Variants in RPL14 observed in about 807,000 individuals in gnomAD.
The protein encoded by RPL14 is ribosomal protein L14, also known as large ribosomal subunit protein eL14.
Under a neutral mutation model 25.3 loss-of-function variants are expected in RPL14, and 4 were observed. The ratio of observed to expected loss-of-function variants is 0.16; its 90% CI spans 0.08 to 0.36. The LOEUF (loss-of-function observed/expected upper bound fraction) is 0.36. Among genes scored for constraint, RPL14 ranks in the 10% least tolerant of loss-of-function variants. The probability of loss-of-function intolerance (pLI) is 1.00; values close to 1 mark genes in which losing one functional copy is unlikely to be tolerated. For missense variants in RPL14, 212 were observed against 261.9 expected (o/e 0.81, Z 1.31); for synonymous variants, 75 against 89.8 (o/e 0.84, Z 0.93).
In RPL14 at chr3:40,458,162, T is replaced by A. The variant is rs1696874336; in HGVS notation, c.105+171T>A. 4 of 622,482 alleles carry A rather than the reference T, an allele frequency of 6.4e-6. No homozygotes were observed. In the East Asian group the frequency reaches 1.1e-4, roughly 17 times the overall value. The allele number at this position is 622,482 out of a possible 1,614,324, so 38.6% of individuals were successfully genotyped here. A position where few individuals can be genotyped will look rare whatever the true frequency, so the allele number is the denominator to read the frequency against. ...GTTTTAAGCACAGCCTGAAGTTAGC[T>A]ATTAGTATTGAATTTCAGTATTAGC... On this transcript the variant is annotated intron_variant, in intron 2 of 5. Coordinates refer to ENST00000396203, the MANE Select transcript of RPL14 (RefSeq NM_001034996.3).
intron 3 of RPL14, among the ~76,000 whole-genome samples, chr3:40,460,483 A>G (rs535979953): frequency 6.6e-6 from 1 of 151,994 alleles, no homozygotes; most frequent in Non-Finnish European, 1.5e-5. Flanking sequence ...GCGCCAGTGC[A>G]TTCTCCATCC....
rs1336196689 is a variant in RPL14 at position 40,461,395 on chromosome 3, G to T, written c.201-12G>T. 6.2e-7 allele frequency: 1 copy of T among 1,612,088 alleles called. No individual in the cohort carries two copies. The highest frequency in any genetic ancestry group is 8.5e-7 in the Non-Finnish European group (1 of 1,178,266). On this transcript the variant is annotated splice_polypyrimidine_tract_variant and intron_variant, in intron 3 of 5. Transcript: ENST00000396203. ...AGCTGATTTCTTAATCTGTGGTCTT[G>T]GCTCGTTCTAGTGCCCACCAGAAGT... is the stretch of plus-strand genomic sequence containing the variant.
chr3:40,458,049 A>G (rs1696871543), intron 2 of RPL14, 58 bp downstream of exon 2: 5 of 1,404,868 alleles, frequency 3.6e-6, no homozygotes, highest in Non-Finnish European at 5.1e-6. Flanking sequence ...GCAGATGGCA[A>G]TAATGAATTG....
In RPL14 at chr3:40,464,397, G is replaced by T. The variant is rs1351387636; in HGVS notation, c.*2165G>T. ...AATAAGGAAAATATGGATGATTTCGGATTACCTGTTCTACTCTGGGAGGTA... is the reference window on the plus strand; with the variant it reads ...AATAAGGAAAATATGGATGATTTCGTATTACCTGTTCTACTCTGGGAGGTA... On this transcript the variant is annotated 3_prime_UTR_variant, in exon 6 of 6. Coordinates refer to ENST00000396203, the MANE Select transcript of RPL14 (RefSeq NM_001034996.3). 1 of 453,066 alleles carries T rather than the reference G, an allele frequency of 2.2e-6. No individual in the cohort carries two copies. Among genetic ancestry groups the T allele is most frequent in the East Asian group, 7.0e-5 (1 of 14,372 alleles). The allele number at this position is 453,066 out of a possible 1,614,324, so 28.1% of individuals were successfully genotyped here.
At chr3:40,461,169 C>T (rs144429894) in intron 3 of RPL14, among the ~76,000 whole-genome samples, 2 of 151,484 alleles carry the variant, frequency 1.3e-5, no homozygotes, top group Non-Finnish European at 2.9e-5. Flanking sequence ...GCATTCCAGC[C>T]TGGGTGGCAA....
At position 40,457,995 on chromosome 3, in the gene RPL14, A is replaced by C; in HGVS notation, c.105+4A>C. On this transcript the variant is annotated splice_donor_region_variant and intron_variant, in intron 2 of 5. Transcript: ENST00000396203. ...AGATGTTATTGATCAGAACAGGGTAAGTGTCACAACTTTTTACTAAACATG... is the reference window on the plus strand; with the variant it reads ...AGATGTTATTGATCAGAACAGGGTACGTGTCACAACTTTTTACTAAACATG... 1.2e-6 allele frequency: 2 copies of C among 1,613,502 alleles called. No homozygotes were observed. The highest frequency in any genetic ancestry group is 1.7e-6 in the Non-Finnish European group (2 of 1,179,482).
Position 40,458,792 on chromosome 3 carries a change from A to G in RPL14, c.200+56A>G. 5 of 1,454,156 alleles carry G rather than the reference A, an allele frequency of 3.4e-6. No homozygotes were observed. The South Asian group carries it at 4.6e-5, about 13-fold the overall frequency. The allele number at this position is 1,454,156 out of a possible 1,614,324, so 90.1% of individuals were successfully genotyped here. A position where few individuals can be genotyped will look rare whatever the true frequency, so the allele number is the denominator to read the frequency against. ...ATCCCCAGATTTGTTTATGCTAGTA[A>G]AAGTTTGTTTTGGAGTAAACAATAC... is the stretch of plus-strand genomic sequence containing the variant. On this transcript the variant is annotated intron_variant, in intron 3 of 5. Coordinates refer to ENST00000396203, the MANE Select transcript of RPL14 (RefSeq NM_001034996.3).
In RPL14 at chr3:40,462,089, G is replaced by A. The variant is rs148088669; in HGVS notation, c.505G>A (p.Ala169Thr). 1.9e-5 allele frequency: 31 copies of A among 1,605,418 alleles called. No homozygotes were observed. Among genetic ancestry groups the A allele is most frequent in the African/African-American group, 1.6e-4 (12 of 74,284 alleles). Residue 169 changes from alanine to threonine, a missense_variant, in exon 6 of 6, where the codon GCG becomes ACG. Physicochemically the swap from Ala to Thr is moderately conservative, Grantham distance 58. This residue lies in a region of RPL14 where 66 missense variants were observed against 62.6 expected (regional missense o/e 1.05). Coordinates refer to ENST00000396203, the MANE Select transcript of RPL14 (RefSeq NM_001034996.3). ...AKVPAKKITAASKKAPAQKVP... is the reference protein window; with the variant it reads ...AKVPAKKITATSKKAPAQKVP... ...AGTTCCAGCAAAAAAGATCACCGCC[G>A]CGAGTAAAAAGGCTCCAGCCCAGAA...
In RPL14 at chr3:40,457,519, C is replaced by T. The variant is rs370120857; in HGVS notation, c.3+45C>T. On this transcript the variant is annotated intron_variant, in intron 1 of 5. Transcript: ENST00000396203. ...CTGTGCAGCGGAATCGGGCCCTTCCCGGACTCGCGCCCTTCCCGGACTCGC... is the reference window on the plus strand; with the variant it reads ...CTGTGCAGCGGAATCGGGCCCTTCCTGGACTCGCGCCCTTCCCGGACTCGC... The T allele has an allele frequency of 8.9e-5, 128 of 1,434,752 alleles. No homozygotes were observed. In the African/African-American group the frequency reaches 1.5e-3, roughly 17 times the overall value. The allele number at this position is 1,434,752 out of a possible 1,614,324, so 88.9% of individuals were successfully genotyped here.
chr3:40,460,458 CAGTG>C (rs1304105044), intron 3 of RPL14, among the ~76,000 whole-genome samples: 1 of 151,522 alleles, frequency 6.6e-6, no homozygotes, highest in Non-Finnish European at 1.5e-5. Context: ...GCAGAGGTCA[CAGTG>C]AGCCAACGTT....
At chr3:40,458,880 TTTTA>T in intron 3 of RPL14, 144 bp downstream of exon 3, 2 of 678,234 alleles carry the variant, frequency 2.9e-6, no homozygotes, top group Non-Finnish European at 5.2e-6. Context: ...GATTATTTAC[TTTTA>T]AAATGTCTTG....
intron 3 of RPL14, among the ~76,000 whole-genome samples, chr3:40,460,741 C>T (rs1282216328): frequency 5.3e-5 from 8 of 152,024 alleles, no homozygotes; most frequent in South Asian, 4.2e-4. Context: ...GCAACCACGC[C>T]CAGCTAATTT....
intron 4 of RPL14, 23 bp from the exon 5 acceptor site, chr3:40,461,580 TTTTTA>T: frequency 6.2e-7 from 1 of 1,601,662 alleles, no homozygotes; most frequent in Non-Finnish European, 8.5e-7. Flanking sequence ...AGAGGGATAA[TTTTTA>T]TTTGTTGTTT....
chr3:40,458,467 A>G (rs1696878707), intron 2 of RPL14, 175 bp from the exon 3 acceptor site: 2 of 601,246 alleles, frequency 3.3e-6, no homozygotes, highest in South Asian at 4.0e-5. Flanking sequence ...TGTGTTGAGC[A>G]AAAGACATAC....
At chr3:40,461,257 C>T (rs1696932429) in intron 3 of RPL14, 150 bp from the exon 4 acceptor site, 1 of 631,952 alleles carries the variant, frequency 1.6e-6, no homozygotes, top group Admixed American at 2.9e-5. Context: ...ATAACCTATT[C>T]TGGCTTACTG....
At position 40,462,337 on chromosome 3, in the gene RPL14, ATAG is replaced by A. The variant is rs1014044248; in HGVS notation, c.*109_*111del. On this transcript the variant is annotated 3_prime_UTR_variant, in exon 6 of 6. Coordinates refer to ENST00000396203, the MANE Select transcript of RPL14 (RefSeq NM_001034996.3). ...GAGGCTGGAGTTAGGAGGCAGATTG[ATAG>A]TAGGATTATAATAAACATTAAATAA... The A allele has an allele frequency of 2.1e-6, 2 of 972,946 alleles. No homozygotes were observed. Among genetic ancestry groups the A allele is most frequent in the Non-Finnish European group, 3.0e-6 (2 of 673,944 alleles). The allele number at this position is 972,946 out of a possible 1,614,324, so 60.3% of individuals were successfully genotyped here.
In RPL14 at chr3:40,460,925, A is replaced by G. The variant is rs377056828; in HGVS notation, c.201-482A>G. The stretch of plus-strand genomic sequence containing the variant: ...TCATAAAATGGGCTGGGCTGGGTGC[A>G]GTGGCTCATACCTGTAATCCCAGCA... On this transcript the variant is annotated intron_variant, in intron 3 of 5. Coordinates refer to ENST00000396203, the MANE Select transcript of RPL14 (RefSeq NM_001034996.3). 2.0e-5 allele frequency among the ~76,000 whole-genome samples: 3 copies of G among 147,616 alleles called. No individual in the cohort carries two copies. In the East Asian group the frequency reaches 6.8e-4, roughly 34 times the overall value.
chr3:40,458,877 TAC>T, intron 3 of RPL14, 141 bp downstream of exon 3: 2 of 688,544 alleles, frequency 2.9e-6, no homozygotes, highest in Non-Finnish European at 5.1e-6. Flanking sequence ...AGGGATTATT[TAC>T]TTTTAAAATG....
At chr3:40,458,833 A>G (rs1004055598) in intron 3 of RPL14, 97 bp downstream of exon 3, 19 of 897,966 alleles carry the variant, frequency 2.1e-5, no homozygotes, top group Non-Finnish European at 3.3e-5. Context: ...ATTCAGAGCC[A>G]TCCTGAAGAG....
Sources: gnomAD v4.1 joint callset for allele counts (sites outside exome capture counted in the v4.1 genomes callset) on GRCh38, gnomAD v4.1.1 for gene constraint, gnomAD v4.1.1 regional missense constraint, MANE v1.5 for transcripts, NCBI Gene and HGNC (gene_info 2026-07-23, HGNC 2026-07-21) for gene names.